The following PIEZO2 variants were observed in gnomAD, a reference collection of about 807,000 sequenced individuals.
PIEZO2 encodes the protein piezo-type mechanosensitive ion channel component 2.
A neutral mutation model predicts 337.3 loss-of-function variants in PIEZO2; 172 were observed. The ratio of observed to expected loss-of-function variants is 0.51; its 90% CI spans 0.45 to 0.58. The LOEUF is 0.58. PIEZO2 is among the 20% of genes least tolerant of loss of function. The pLI is 0.00. For synonymous variants in PIEZO2, 1,251 were observed against 1,228.5 expected, an observed-to-expected ratio of 1.02 and a Z score of -0.38; for missense variants, 3,028 against 3,391.3, an observed-to-expected ratio of 0.89 and a Z score of 2.66.
intron 2 of PIEZO2, among the ~76,000 whole-genome samples, chr18:11,011,782 A>C (rs532449525): frequency 6.6e-6 from 1 of 152,314 alleles, no homozygotes; most frequent in South Asian, 2.1e-4. Flanking sequence ...TCCCAAGGAA[A>C]ATTAGTATTT....
At chr18:11,123,114 CT>C (rs1432778859) in intron 1 of PIEZO2, among the ~76,000 whole-genome samples, 4 of 152,062 alleles carry the variant, frequency 2.6e-5, no homozygotes, top group African/African-American at 7.2e-5. Context: ...ATCATTCTGA[CT>C]CCTAAGAAAC....
rs2036300994 is a variant in PIEZO2, at chr18:11,021,369, C to G, written c.161-41709G>C. On this transcript the variant is annotated intron_variant, in intron 2 of 55. Coordinates refer to ENST00000674853, the MANE Select transcript of PIEZO2 (RefSeq NM_001378183.1). This position sits in a 1 kb window ranked among gnomAD's most constrained non-coding sequence, Gnocchi z 4.7. ...TTCTGAAGAAAACATTTTCTTTTTC[C>G]TTCTACAAAAGCATCCCACTCTTGT... 1.3e-5 allele frequency among the ~76,000 whole-genome samples: 2 copies of G among 152,126 alleles called. No homozygotes were observed. The highest frequency in any genetic ancestry group is 4.1e-4 in the South Asian group (2 of 4,822).
chr18:10,971,202 A>T (rs541312560), intron 3 of PIEZO2, among the ~76,000 whole-genome samples: 1 of 152,306 alleles, frequency 6.6e-6, no homozygotes, highest in African/African-American at 2.4e-5. Flanking sequence ...CATCTTCAAA[A>T]TTTTGAAAGA....
intron 7 of PIEZO2, among the ~76,000 whole-genome samples, chr18:10,809,019 A>G (rs2040090405): frequency 6.6e-6 from 1 of 152,190 alleles, no homozygotes; most frequent in Non-Finnish European, 1.5e-5. Context: ...AAAGCGAACT[A>G]AATGCTTCAT....
Position 10,702,075 on chromosome 18 carries a change from T to C in PIEZO2, c.6355A>G (p.Ile2119Val), listed in dbSNP as rs1300302750. 7.2e-6 allele frequency: 11 copies of C among 1,536,954 alleles called. No individual in the cohort carries two copies. The highest frequency in any genetic ancestry group is 9.6e-6 in the Non-Finnish European group (11 of 1,146,856). Residue 2119 changes from isoleucine to valine, a missense_variant, in exon 43 of 56, where the codon ATC (isoleucine) becomes GTC (valine). Transcript: ENST00000674853. ...NKDKPYHPPN[I>V]IGVEKKEGYV... The stretch of plus-strand genomic sequence containing the variant: ...CCTTCCTTCTTTTCCACTCCTATGA[T>C]GTTTGGGGGGTGATACGGTTTATCT...
chr18:10,970,973 A>G (rs1188948321), intron 3 of PIEZO2, among the ~76,000 whole-genome samples: 1 of 152,204 alleles, frequency 6.6e-6, no homozygotes, highest in Non-Finnish European at 1.5e-5. Context: ...ATTAATCCAC[A>G]ATACGGCAAT....
chr18:10,851,155 C>CTTTT (rs10592305), intron 7 of PIEZO2, among the ~76,000 whole-genome samples: 3 of 127,936 alleles, frequency 2.3e-5, no homozygotes, highest in Non-Finnish European at 3.3e-5. Context: ...TTTCTTTTAT[C>CTTTT]TTTTTTTTTT....
chr18:10,889,836 C>T (rs1251002676), intron 4 of PIEZO2, among the ~76,000 whole-genome samples: 1 of 152,198 alleles, frequency 6.6e-6, no homozygotes, highest in Non-Finnish European at 1.5e-5. Context: ...TTGGCTGCCA[C>T]CCCGTGGATG....
At chr18:11,098,874 T>G (rs1346244062) in intron 1 of PIEZO2, among the ~76,000 whole-genome samples, 1 of 152,140 alleles carries the variant, frequency 6.6e-6, no homozygotes, top group African/African-American at 2.4e-5. Flanking sequence ...CACAGCTTAC[T>G]GCAGCCTTGA....
At chr18:11,018,382 C>CGTGTGTGT (rs376013388) in intron 2 of PIEZO2, among the ~76,000 whole-genome samples, 4,676 of 114,134 alleles carry the variant, frequency 0.041, 184 homozygotes, top group Non-Finnish European at 0.051. Flanking sequence ...CCCAACATGT[C>CGTGTGTGT]GTGTGTGTGT....
intron 3 of PIEZO2, among the ~76,000 whole-genome samples, chr18:10,914,796 C>T (rs2030799632): frequency 6.6e-6 from 1 of 152,074 alleles, no homozygotes; most frequent in South Asian, 2.1e-4. Flanking sequence ...AATTGAAATG[C>T]AGAGCGGAAG....
chr18:10,916,596 G>T (rs879842250), intron 3 of PIEZO2, among the ~76,000 whole-genome samples: 11 of 152,150 alleles, frequency 7.2e-5, no homozygotes, highest in Non-Finnish European at 1.5e-4. Flanking sequence ...CCGTGAGGCC[G>T]CGCCCATCTA....
In PIEZO2 at chr18:10,758,110, G is replaced by A; in HGVS notation, c.3782C>T (p.Ala1261Val). The stretch of plus-strand genomic sequence containing the variant: ...CTCAAAAATCTGCCGTTGTAAGGAG[G>A]CACACAGAAGCAGCATGAAGTCATC... The part of the protein sequence containing the change: ...LVYDFMLLLC[A>V]SLQRQIFEDE... Residue 1261 changes from alanine to valine, a missense_variant, in exon 27 of 56, where the codon GCC becomes GTC. By Grantham distance (64) the Ala-to-Val change is moderately conservative. Transcript: ENST00000674853. 1 of 1,537,520 alleles carries A rather than the reference G, an allele frequency of 6.5e-7. No individual in the cohort carries two copies. The highest frequency in any genetic ancestry group is 8.7e-7 in the Non-Finnish European group (1 of 1,146,854).
intron 33 of PIEZO2, 64 bp from the exon 34 acceptor site, chr18:10,736,774 A>G: frequency 6.7e-7 from 1 of 1,486,058 alleles, no homozygotes; most frequent in Non-Finnish European, 9.0e-7. Flanking sequence ...GGGCTTATTA[A>G]TGAAATGTCC....
chr18:10,901,584 C>T (rs968847681), intron 4 of PIEZO2, among the ~76,000 whole-genome samples: 1 of 152,124 alleles, frequency 6.6e-6, no homozygotes, highest in African/African-American at 2.4e-5. Context: ...CTTCTTTGAG[C>T]TGGGTGGTCA....
chr18:11,090,080 G>A (rs1284589211), intron 1 of PIEZO2, among the ~76,000 whole-genome samples: 2 of 152,206 alleles, frequency 1.3e-5, no homozygotes, highest in African/African-American at 4.8e-5. Flanking sequence ...TGACAACCCG[G>A]ATGCTGGATT....
intron 3 of PIEZO2, among the ~76,000 whole-genome samples, chr18:10,958,887 G>T (rs1014800431): frequency 1.3e-5 from 2 of 152,108 alleles, no homozygotes; most frequent in Admixed American, 1.3e-4. Flanking sequence ...ATATTATTGA[G>T]TATAAAGTTT....
intron 36 of PIEZO2, among the ~76,000 whole-genome samples, chr18:10,720,419 GTATATATATATATA>G (rs74177567): frequency 3.0e-3 from 28 of 9,252 alleles, no homozygotes; most frequent in Middle Eastern, 0.062. Context: ...GTATGTGTAT[GTATATATATATATA>G]TATATATATA....
Position 11,048,084 on chromosome 18 carries a change from G to A in PIEZO2, c.160+18043C>T, listed in dbSNP as rs1299957077. On this transcript the variant is annotated intron_variant, in intron 2 of 55. Transcript: ENST00000674853. The surrounding 1 kb of genome is among the most constrained non-coding windows in gnomAD (Gnocchi z 4.5). ...GGGTGTAGACAGTCAAGAGCACAGC[G>A]GCAGCCACTGCCACCAACAGCATGT... is the stretch of plus-strand genomic sequence containing the variant. Among the ~76,000 whole-genome samples, 1 of 152,088 alleles carries A rather than the reference G, an allele frequency of 6.6e-6. No homozygotes were observed. The highest frequency in any genetic ancestry group is 2.4e-5 in the African/African-American group (1 of 41,418).
Sources: allele counts gnomAD v4.1 joint callset (sites outside exome capture counted in the v4.1 genomes callset), GRCh38; gene constraint gnomAD v4.1.1; non-coding constraint Gnocchi (gnomAD v3.1); transcripts MANE v1.5; gene names NCBI Gene and HGNC (gene_info 2026-07-23, HGNC 2026-07-21).